Variants in DTD1 observed in about 807,000 individuals in gnomAD.
The protein encoded by DTD1 is D-aminoacyl-tRNA deacylase 1, also known as D-tyrosyl-tRNA deacylase 1 homolog.
Under a neutral mutation model 25.6 loss-of-function variants are expected in DTD1, and 13 were observed. That is an observed-to-expected ratio of 0.51 (90% CI 0.33 to 0.81). The LOEUF (loss-of-function observed/expected upper bound fraction) is 0.81, where lower values mean the gene tolerates loss of function less well. Ranked by LOEUF, DTD1 falls within the 30% of genes least tolerant of loss-of-function variation. The pLI is 0.02. For synonymous variants in DTD1, 110 were observed against 103.6 expected (o/e 1.06, Z -0.37); for missense variants, 193 against 266.4 (o/e 0.72, Z 1.92).
intron 4 of DTD1, among the ~76,000 whole-genome samples, chr20:18,669,293 C>G (rs2060943620): frequency 6.6e-6 from 1 of 152,152 alleles, no homozygotes; most frequent in African/African-American, 2.4e-5. Flanking sequence ...TCCCACTGGT[C>G]AAGGGTCTGC....
intron 5 of DTD1, among the ~76,000 whole-genome samples, chr20:18,756,796 A>G (rs2061341155): frequency 1.3e-5 from 2 of 151,994 alleles, no homozygotes; most frequent in South Asian, 2.1e-4. Context: ...GTTTTTTCCA[A>G]TTCTGTGAAG....
rs1261999728 is a variant in DTD1, at chr20:18,749,118, T to C, written c.*19+4847T>C. Reference sequence around the variant, plus strand: ...GCAGAGGGACAGATGGAGGGGAAGCTGAAGGCCCCTGGCATGTTCTGGCTG... The same window carrying C: ...GCAGAGGGACAGATGGAGGGGAAGCCGAAGGCCCCTGGCATGTTCTGGCTG... On this transcript the variant is annotated intron_variant, in intron 5 of 5. Transcript: ENST00000377452. The surrounding 1 kb of genome is among the most constrained non-coding windows in gnomAD (Gnocchi z 4.2). Among the ~76,000 whole-genome samples, 1 of 152,090 alleles carries C rather than the reference T, an allele frequency of 6.6e-6. No homozygotes were observed. Among genetic ancestry groups the C allele is most frequent in the Non-Finnish European group, 1.5e-5 (1 of 68,012 alleles).
intron 4 of DTD1, among the ~76,000 whole-genome samples, chr20:18,672,687 C>T (rs578116276): frequency 1.5e-4 from 23 of 152,304 alleles, no homozygotes; most frequent in African/African-American, 5.1e-4. Context: ...GTTATCTTCT[C>T]TCCCCTTTTC....
intron 5 of DTD1, among the ~76,000 whole-genome samples, chr20:18,762,634 G>A (rs547425830): frequency 5.3e-5 from 8 of 152,094 alleles, no homozygotes; most frequent in African/African-American, 1.4e-4. Flanking sequence ...TTTGTGAGTC[G>A]AAAGTTGCTT....
chr20:18,759,202 T>C lies in DTD1; in HGVS notation c.*20-4158T>C, dbSNP rs2061351353. ...TGACTCTTTATCCGATTTGCCAGTCTGTGTCTTTGAATTGGAGCATTTAGC... is the reference window on the plus strand; with the variant it reads ...TGACTCTTTATCCGATTTGCCAGTCCGTGTCTTTGAATTGGAGCATTTAGC... On this transcript the variant is annotated intron_variant, in intron 5 of 5. Coordinates refer to ENST00000377452, the MANE Select transcript of DTD1 (RefSeq NM_080820.6). Among the ~76,000 whole-genome samples, 3 of 152,212 alleles carry C rather than the reference T, an allele frequency of 2.0e-5. No homozygotes were observed. In the South Asian group the frequency reaches 6.2e-4, roughly 31 times the overall value.
intron 4 of DTD1, among the ~76,000 whole-genome samples, chr20:18,684,450 C>A (rs550306525): frequency 8.6e-5 from 13 of 152,024 alleles, no homozygotes; most frequent in Non-Finnish European, 1.6e-4. Flanking sequence ...TCATACCCAG[C>A]TAATTTTTAT....
chr20:18,762,718 A>G (rs2061367830), intron 5 of DTD1, among the ~76,000 whole-genome samples: 1 of 151,910 alleles, frequency 6.6e-6, no homozygotes, highest in African/African-American at 2.4e-5. Flanking sequence ...CCTGATATTG[A>G]TAATTTGTGT....
chr20:18,612,538 G>A (rs978613527), intron 3 of DTD1, among the ~76,000 whole-genome samples: 1 of 152,140 alleles, frequency 6.6e-6, no homozygotes, highest in Non-Finnish European at 1.5e-5. Flanking sequence ...AGGTCACTCA[G>A]CACGTAAGTG....
chr20:18,672,922 G>T (rs1455488276), intron 4 of DTD1, among the ~76,000 whole-genome samples: 2 of 152,214 alleles, frequency 1.3e-5, no homozygotes, highest in Non-Finnish European at 2.9e-5. Flanking sequence ...AGATGTAGAA[G>T]TCTCCGGCTT....
chr20:18,743,956 T>G, intron 4 of DTD1, 144 bp from the exon 5 acceptor site: 1 of 755,800 alleles, frequency 1.3e-6, no homozygotes, highest in South Asian at 2.0e-5. Context: ...TGTGTATAAT[T>G]TGGTATATCT....
At chr20:18,713,933 C>T (rs1238076160) in intron 4 of DTD1, among the ~76,000 whole-genome samples, 2 of 152,202 alleles carry the variant, frequency 1.3e-5, no homozygotes, top group East Asian at 1.9e-4. Context: ...GCCCAGAGCC[C>T]AGCACGGTCT....
intron 3 of DTD1, among the ~76,000 whole-genome samples, chr20:18,615,573 A>C (rs2060706064): frequency 2.0e-5 from 3 of 152,182 alleles, no homozygotes; most frequent in Admixed American, 2.0e-4. Flanking sequence ...GAAAAAAAAC[A>C]AGTTATACCA....
chr20:18,747,115 T>G (rs1239785310), intron 5 of DTD1, among the ~76,000 whole-genome samples: 1 of 152,212 alleles, frequency 6.6e-6, no homozygotes, highest in Non-Finnish European at 1.5e-5. Flanking sequence ...TGTCCAGAAA[T>G]CCTTAATCCA....
At chr20:18,744,306 A>C in intron 5 of DTD1, 35 bp downstream of exon 5, 1 of 1,600,712 alleles carries the variant, frequency 6.2e-7, no homozygotes, top group East Asian at 2.2e-5. Context: ...ATCTTCCCAC[A>C]TTTTGGGGAA....
rs142119757 is a variant in DTD1, at chr20:18,686,045, G to A, written c.477+57812G>A. ...CCTTCCCAGTGGCCTCACTTTTGTCGCCCTGGTTCTGCACCTGCTAAAGAA... is the reference window on the plus strand; with the variant it reads ...CCTTCCCAGTGGCCTCACTTTTGTCACCCTGGTTCTGCACCTGCTAAAGAA... On this transcript the variant is annotated intron_variant, in intron 4 of 5. Coordinates refer to ENST00000377452, the MANE Select transcript of DTD1 (RefSeq NM_080820.6). Among the ~76,000 whole-genome samples, 740 of 152,204 alleles carry A rather than the reference G, an allele frequency of 4.9e-3. 8 individuals carry two copies. The highest frequency in any genetic ancestry group is 0.017 in the African/African-American group (708 of 41,504).
intron 4 of DTD1, among the ~76,000 whole-genome samples, chr20:18,640,224 A>T (rs958564067): frequency 1.3e-5 from 2 of 152,136 alleles, no homozygotes; most frequent in Non-Finnish European, 2.9e-5. Context: ...AAGCTTTTAT[A>T]GTATTCCTGG....
chr20:18,760,947 C>T (rs756472867), intron 5 of DTD1, among the ~76,000 whole-genome samples: 2 of 152,218 alleles, frequency 1.3e-5, no homozygotes, highest in African/African-American at 4.8e-5. Context: ...GGCGCCCCTC[C>T]CCCAGCCTTG....
chr20:18,725,461 A>G (rs1361391394), intron 4 of DTD1, among the ~76,000 whole-genome samples: 1 of 152,188 alleles, frequency 6.6e-6, no homozygotes, highest in Non-Finnish European at 1.5e-5. Flanking sequence ...TCATAAGCAA[A>G]TAGTTTGAAG....
rs549001447 is a variant in DTD1, at chr20:18,764,131, T to C, written c.*791T>C. On this transcript the variant is annotated 3_prime_UTR_variant, in exon 6 of 6. Transcript: ENST00000377452. ...GAAGTGAGATGTCAGGAAAAGGGAG[T>C]GTGGGTCAGAAGATAGTCCAGTTTC... is the stretch of plus-strand genomic sequence containing the variant. The C allele has an allele frequency of 8.8e-4, 134 of 152,018 alleles. No individual in the cohort carries two copies. Among genetic ancestry groups the C allele is most frequent in the African/African-American group, 3.0e-3 (123 of 41,434 alleles). The allele number at this position is 152,018 out of a possible 1,614,324, so 9.4% of individuals were successfully genotyped here.
Sources: gnomAD v4.1 joint callset for allele counts (sites outside exome capture counted in the v4.1 genomes callset) on GRCh38, gnomAD v4.1.1 for gene constraint, Gnocchi (gnomAD v3.1) non-coding constraint, MANE v1.5 for transcripts, NCBI Gene and HGNC (gene_info 2026-07-23, HGNC 2026-07-21) for gene names.